FAAH2: variants seen among roughly 807,000 people sequenced by gnomAD.
The protein encoded by FAAH2 is fatty-acid amide hydrolase 2.
FAAH2 carries 60 observed loss-of-function variants against 36.9 expected under a neutral mutation model. The ratio of observed to expected loss-of-function variants is 1.63; its 90% CI spans 1.32 to 2.02. The LOEUF is 2.02. Among genes scored for constraint, FAAH2 ranks in the 30% most tolerant of loss-of-function variants. The pLI is 0.00. For synonymous variants in FAAH2, 214 were observed against 143.8 expected (o/e 1.49, Z -3.49); for missense variants, 689 against 397.5 (o/e 1.73, Z -6.23).
At chrX:57,465,515 G>A (rs1412527303) in intron 10 of FAAH2, among the ~76,000 whole-genome samples, 1 of 111,555 alleles carries the variant, frequency 9.0e-6, no homozygotes, top group Non-Finnish European at 1.9e-5. Context: ...AAACAAGGAA[G>A]CCAGAAAACA....
the FAAH2 span, among the ~76,000 whole-genome samples, chrX:57,165,639 A>G: frequency 9.0e-6 from 1 of 111,433 alleles, no homozygotes; most frequent in South Asian, 3.8e-4. Flanking sequence ...ATGTATACAT[A>G]TGTAACTAAC....
chrX:57,226,340 C>T, the FAAH2 span, among the ~76,000 whole-genome samples: 1 of 111,897 alleles, frequency 8.9e-6, no homozygotes, highest in South Asian at 3.7e-4. Context: ...GTAATGGTGG[C>T]TTTGTAATGG....
intron 8 of FAAH2, among the ~76,000 whole-genome samples, chrX:57,436,337 A>G (rs2056409760): frequency 9.1e-6 from 1 of 110,097 alleles, no homozygotes; most frequent in Non-Finnish European, 1.9e-5. Context: ...TAAACCGAAA[A>G]GTGGCAGAAG....
At chrX:57,429,199 C>A (rs374419949) in intron 7 of FAAH2, among the ~76,000 whole-genome samples, 2 of 109,266 alleles carry the variant, frequency 1.8e-5, no homozygotes, top group African/African-American at 6.7e-5. Context: ...ATTAGCTGGG[C>A]GTGGTGGCGG....
At chrX:57,450,637 A>G (rs1488255856) in intron 10 of FAAH2, among the ~76,000 whole-genome samples, 2 of 110,668 alleles carry the variant, frequency 1.8e-5, no homozygotes, top group Non-Finnish European at 3.8e-5. Context: ...ACTGAGAAAT[A>G]CCCCTCTCAG....
chrX:57,370,809 G>T (rs1390935186), intron 5 of FAAH2, among the ~76,000 whole-genome samples: 1 of 111,722 alleles, frequency 9.0e-6, no homozygotes, highest in Non-Finnish European at 1.9e-5. Flanking sequence ...TAGGTTGTGT[G>T]CTTCTTATGA....
chrX:57,451,304 C>T, intron 10 of FAAH2, among the ~76,000 whole-genome samples: 1 of 111,655 alleles, frequency 9.0e-6, no homozygotes. Flanking sequence ...GTTCTTCTGC[C>T]TCACTTAGTG....
upstream of FAAH2, among the ~76,000 whole-genome samples, chrX:57,284,780 C>T (rs758189016): frequency 9.0e-6 from 1 of 111,397 alleles, no homozygotes; most frequent in Non-Finnish European, 1.9e-5. Flanking sequence ...GCTTTACATC[C>T]ATATGTGATT....
intron 7 of FAAH2, among the ~76,000 whole-genome samples, chrX:57,415,673 C>T (rs765411026): frequency 3.6e-5 from 4 of 110,930 alleles, no homozygotes; most frequent in Non-Finnish European, 3.8e-5. Context: ...AATAAGTGTC[C>T]TGTGGTGTTG....
chrX:57,265,073 G>A, the FAAH2 span, among the ~76,000 whole-genome samples: 1 of 111,435 alleles, frequency 9.0e-6, no homozygotes, highest in Non-Finnish European at 1.9e-5. Flanking sequence ...GTGACCACAG[G>A]AAACCACACT....
the FAAH2 span, among the ~76,000 whole-genome samples, chrX:57,224,969 A>G: frequency 8.9e-6 from 1 of 111,871 alleles, no homozygotes; most frequent in Non-Finnish European, 1.9e-5. Flanking sequence ...TTTGTATTTC[A>G]GTGGTGTTAG....
At chrX:57,395,042 C>A in intron 7 of FAAH2, 1 of 557,313 alleles carries the variant, frequency 1.8e-6, no homozygotes, top group Non-Finnish European at 3.3e-6. Flanking sequence ...GCTAGTCAAT[C>A]CATCCACATC....
At chrX:57,338,142 G>T (rs192811621) in intron 4 of FAAH2, among the ~76,000 whole-genome samples, 1 of 111,468 alleles carries the variant, frequency 9.0e-6, no homozygotes, top group East Asian at 2.8e-4. Flanking sequence ...GGGTGCAGGC[G>T]GGCTGAGTCT....
At chrX:57,372,585 G>A (rs959774629) in intron 5 of FAAH2, among the ~76,000 whole-genome samples, 2 of 110,346 alleles carry the variant, frequency 1.8e-5, no homozygotes, top group African/African-American at 6.6e-5. Flanking sequence ...TCTTTTATTA[G>A]TGGTGACATT....
At chrX:57,478,807 G>A (rs1277407644) in intron 10 of FAAH2, among the ~76,000 whole-genome samples, 2 of 111,332 alleles carry the variant, frequency 1.8e-5, no homozygotes, top group Non-Finnish European at 3.8e-5. Flanking sequence ...TAGATATGTG[G>A]CATTATTTCT....
At chrX:57,438,126 T>C (rs996006277) in intron 8 of FAAH2, among the ~76,000 whole-genome samples, 5 of 105,501 alleles carry the variant, frequency 4.7e-5, no homozygotes, top group African/African-American at 1.7e-4. Context: ...TGTATATGTA[T>C]ACACGTGTAT....
chrX:57,299,234 A>G (rs745374596), intron 2 of FAAH2, among the ~76,000 whole-genome samples: 145 of 112,118 alleles, frequency 1.3e-3, no homozygotes, highest in African/African-American at 4.4e-3. Context: ...GAATCCAGCA[A>G]CACATGAAAA....
Position 57,488,745 on chromosome X carries a change from T to A in FAAH2, c.1424-12T>A, listed in dbSNP as rs1375097404. The A allele has an allele frequency of 8.3e-7, 1 of 1,204,707 alleles. No homozygotes were observed. Among genetic ancestry groups the A allele is most frequent in the South Asian group, 1.8e-5 (1 of 55,097 alleles). ...GTCTTGATTTCTCACTTATTTTGTT[T>A]GTTTTCTTCAGGTGTCTTCAGTGCC... On this transcript the variant is annotated splice_polypyrimidine_tract_variant and intron_variant, in intron 10 of 10. Coordinates refer to ENST00000374900, the MANE Select transcript of FAAH2 (RefSeq NM_174912.4).
the FAAH2 span, among the ~76,000 whole-genome samples, chrX:57,210,177 G>A: frequency 9.0e-6 from 1 of 111,255 alleles, no homozygotes. Flanking sequence ...ACTTTCATTT[G>A]TAGTTGTTAC....
Sources: allele counts gnomAD v4.1 joint callset (sites outside exome capture counted in the v4.1 genomes callset), GRCh38; gene constraint gnomAD v4.1.1; transcripts MANE v1.5; gene names NCBI Gene and HGNC (gene_info 2026-07-23, HGNC 2026-07-21).